The following JAK1 variants were observed in gnomAD, a reference collection of about 807,000 sequenced individuals.
The protein encoded by JAK1 is Janus kinase 1.
JAK1 carries 16 observed loss-of-function variants against 136.6 expected under a neutral mutation model. The observed-to-expected ratio is 0.12, with a 90% confidence interval of 0.08 to 0.18. JAK1 has a LOEUF of 0.18. Ranked by LOEUF, JAK1 falls within the 10% of genes least tolerant of loss-of-function variation. The probability of loss-of-function intolerance (pLI) is 1.00; values close to 1 mark genes in which losing one functional copy is unlikely to be tolerated. For missense variants in JAK1, 859 were observed against 1,450.1 expected (o/e 0.59, Z 6.62); for synonymous variants, 492 against 519.5 (o/e 0.95, Z 0.72).
At chr1:64,846,327 C>T (rs1655227183) in intron 14 of JAK1, among the ~76,000 whole-genome samples, 2 of 152,102 alleles carry the variant, frequency 1.3e-5, no homozygotes, top group African/African-American at 4.8e-5. Flanking sequence ...ACCTCGCTCA[C>T]CTGCCCAGAG....
At position 64,966,440 on chromosome 1, in the gene JAK1, C is replaced by G. The variant is rs1316696138; in HGVS notation, c.-185G>C. On this transcript the variant is annotated 5_prime_UTR_variant, in exon 1 of 25. Coordinates refer to ENST00000342505, the MANE Select transcript of JAK1 (RefSeq NM_002227.4). ...CCCGCGGGGCCCCAGCGTGCGCGCG[C>G]CCAGGGCTGAGGAGGGGTCGCGGCG... 1 of 151,278 alleles carries G rather than the reference C, an allele frequency of 6.6e-6. No homozygotes were observed. The highest frequency in any genetic ancestry group is 1.5e-5 in the Non-Finnish European group (1 of 67,828). The allele number at this position is 151,278 out of a possible 1,614,324, so 9.4% of individuals were successfully genotyped here.
At chr1:64,970,052 T>C (rs1646436211), upstream of JAK1, among the ~76,000 whole-genome samples, 1 of 141,510 alleles carries the variant, frequency 7.1e-6, no homozygotes, top group Non-Finnish European at 1.5e-5. Context: ...GAAGGATCAC[T>C]TGAGCCCAGG....
chr1:64,866,949 G>T lies in JAK1; in HGVS notation c.907C>A (p.His303Asn), dbSNP rs1341838591. Residue 303 changes from histidine to asparagine, a missense_variant, in exon 7 of 25, where the codon CAT (histidine) becomes AAT (asparagine). His to Asn is a moderately conservative substitution (Grantham distance 68). Coordinates refer to ENST00000342505, the MANE Select transcript of JAK1 (RefSeq NM_002227.4). Reference protein sequence around the residue: ...ISSENEMNWFHSNDGGNVLYY... With the variant: ...ISSENEMNWFNSNDGGNVLYY... Reference sequence around the variant, plus strand: ...AGAACGTTTCCACCGTCATTCGAATGAAACCAATTCATCTCATTTTCTGAT... The same window carrying T: ...AGAACGTTTCCACCGTCATTCGAATTAAACCAATTCATCTCATTTTCTGAT... 1.2e-6 allele frequency: 2 copies of T among 1,614,198 alleles called. No individual in the cohort carries two copies. Among genetic ancestry groups the T allele is most frequent in the East Asian group, 2.2e-5 (1 of 44,886 alleles).
chr1:64,936,643 G>A (rs1035987552), intron 1 of JAK1, among the ~76,000 whole-genome samples: 1 of 152,202 alleles, frequency 6.6e-6, no homozygotes, highest in Non-Finnish European at 1.5e-5. Context: ...TAGCCAGGGT[G>A]TAAGCCCAGC....
chr1:64,871,022 T>C (rs190383709), intron 5 of JAK1, among the ~76,000 whole-genome samples: 1 of 152,300 alleles, frequency 6.6e-6, no homozygotes, highest in African/African-American at 2.4e-5. Flanking sequence ...TGGCACACTC[T>C]TCCTTTACAC....
intron 2 of JAK1, among the ~76,000 whole-genome samples, chr1:65,035,203 A>G (rs1647062534): frequency 1.3e-5 from 2 of 152,220 alleles, no homozygotes; most frequent in South Asian, 4.1e-4. Flanking sequence ...TCACAGAATC[A>G]TCACATTGTA....
At chr1:64,886,178 C>A in intron 2 of JAK1, 81 bp downstream of exon 2, 1 of 905,080 alleles carries the variant, frequency 1.1e-6, no homozygotes, top group Admixed American at 2.1e-5. Context: ...ACCAATAGCC[C>A]TACAGCCTCA....
At chr1:64,986,047 T>C (rs953234201) in intron 2 of JAK1, 6 of 1,308,210 alleles carry the variant, frequency 4.6e-6, no homozygotes, top group Non-Finnish European at 6.5e-6. Flanking sequence ...ATTGTAGCAA[T>C]TGTGATGGCG....
At chr1:64,865,041 C>T in intron 7 of JAK1, 69 bp from the exon 8 acceptor site, 2 of 1,305,148 alleles carry the variant, frequency 1.5e-6, no homozygotes, top group Non-Finnish European at 2.2e-6. Context: ...AAGGTCAGTG[C>T]TGCTGGGAAA....
At chr1:64,956,667 T>C (rs888557588) in intron 1 of JAK1, among the ~76,000 whole-genome samples, 6 of 152,210 alleles carry the variant, frequency 3.9e-5, no homozygotes, top group African/African-American at 1.4e-4. Context: ...TCCTCTCTTG[T>C]TCCCCAGTGT....
At chr1:64,978,398 T>C (rs1646515227) in intron 2 of JAK1, among the ~76,000 whole-genome samples, 1 of 152,240 alleles carries the variant, frequency 6.6e-6, no homozygotes, top group Non-Finnish European at 1.5e-5. Flanking sequence ...TAAACATTAG[T>C]TTATTATAAA....
intron 7 of JAK1, 47 bp downstream of exon 7, chr1:64,866,819 T>C (rs1383261960): frequency 2.1e-6 from 3 of 1,397,904 alleles, no homozygotes; most frequent in Non-Finnish European, 3.0e-6. Flanking sequence ...GCATACGCTA[T>C]GTGACACGGG....
At chr1:64,973,162 A>C (rs1390038590) in intron 2 of JAK1, 1 of 149,986 alleles carries the variant, frequency 6.7e-6, no homozygotes, top group African/African-American at 2.5e-5. Context: ...AAAGGAAGAA[A>C]GGAAGAAAAA....
At chr1:64,924,836 G>T (rs537055239) in intron 1 of JAK1, among the ~76,000 whole-genome samples, 1 of 152,238 alleles carries the variant, frequency 6.6e-6, no homozygotes, top group Admixed American at 6.5e-5. Flanking sequence ...AAATACACAT[G>T]GTCAGCAGGG....
At chr1:64,944,768 G>C (rs1645953880) in intron 1 of JAK1, among the ~76,000 whole-genome samples, 1 of 152,088 alleles carries the variant, frequency 6.6e-6, no homozygotes, top group Admixed American at 6.5e-5. Flanking sequence ...CGATTGAGAG[G>C]ATATTCGTGA....
chr1:64,968,221 G>C (rs112242957), upstream of JAK1, among the ~76,000 whole-genome samples: 31 of 152,228 alleles, frequency 2.0e-4, no homozygotes, highest in African/African-American at 6.5e-4. Context: ...GTGGAATCAG[G>C]GGGAGAGGGC....
intron 14 of JAK1, among the ~76,000 whole-genome samples, chr1:64,846,107 T>C (rs1381582002): frequency 2.6e-5 from 4 of 152,056 alleles, no homozygotes; most frequent in Non-Finnish European, 4.4e-5. Context: ...AGAAGTCACT[T>C]GGGGTTAAAA....
intron 2 of JAK1, among the ~76,000 whole-genome samples, chr1:65,014,471 AAAAG>A (rs1321372904): frequency 3.3e-5 from 5 of 151,922 alleles, no homozygotes; most frequent in Admixed American, 3.3e-4. Flanking sequence ...AGAAAGGAGA[AAAAG>A]AAAGAAAAAT....
In JAK1 at chr1:64,984,207, T is replaced by C. The variant is rs1335954916; in HGVS notation, c.-78+60273A>G. ...TGTATGGAAGTGAGGAAGGTGCTCT[T>C]ACATAAACCCTGTCTGCCTTCCCAC... On this transcript the variant is annotated intron_variant, in intron 2 of 25. Coordinates refer to the JAK1 transcript ENST00000671954. The surrounding 1 kb of genome is among the most constrained non-coding windows in gnomAD (Gnocchi z 4.1). 6.6e-6 allele frequency among the ~76,000 whole-genome samples: 1 copy of C among 152,206 alleles called. No homozygotes were observed. The highest frequency in any genetic ancestry group is 1.5e-5 in the Non-Finnish European group (1 of 68,036).
Sources: gnomAD v4.1 joint callset for allele counts (sites outside exome capture counted in the v4.1 genomes callset) on GRCh38, gnomAD v4.1.1 for gene constraint, Gnocchi (gnomAD v3.1) non-coding constraint, MANE v1.5 for transcripts, NCBI Gene and HGNC (gene_info 2026-07-23, HGNC 2026-07-21) for gene names.